The following KLHL1 variants were observed in gnomAD, a reference collection of about 807,000 sequenced individuals.
KLHL1 encodes kelch-like protein 1.
In KLHL1, 47 loss-of-function variants were observed where a neutral mutation model predicts 77.7. The observed-to-expected ratio is 0.60, with a 90% confidence interval of 0.48 to 0.77. The LOEUF is 0.77. Among genes scored for constraint, KLHL1 ranks in the 30% least tolerant of loss-of-function variants. The pLI is 0.00. For synonymous variants in KLHL1, 360 were observed against 325.2 expected, an observed-to-expected ratio of 1.11 and a Z score of -1.15; for missense variants, 925 against 910.8, an observed-to-expected ratio of 1.02 and a Z score of -0.20.
At chr13:69,994,737 T>C (rs1447806391) in intron 1 of KLHL1, among the ~76,000 whole-genome samples, 1 of 152,066 alleles carries the variant, frequency 6.6e-6, no homozygotes, top group Admixed American at 6.6e-5. Flanking sequence ...CTTGTAGGGG[T>C]TAACGTAAGC....
chr13:69,766,028 G>T lies in KLHL1; in HGVS notation c.1640-25472C>A, dbSNP rs17085356. 9.5e-3 allele frequency among the ~76,000 whole-genome samples: 1,442 copies of T among 152,260 alleles called. 26 individuals are homozygous for T. Among genetic ancestry groups the T allele is most frequent in the African/African-American group, 0.033 (1,357 of 41,550 alleles). ...CTTCTTTGCTTTTGTAGATGATACC[G>T]AAATCTTCAGCAATCTCTATTACAT... On this transcript the variant is annotated intron_variant, in intron 7 of 10. Coordinates refer to ENST00000377844, the MANE Select transcript of KLHL1 (RefSeq NM_020866.3).
chr13:69,710,900 G>A (rs1392669404), intron 9 of KLHL1, among the ~76,000 whole-genome samples: 1 of 151,730 alleles, frequency 6.6e-6, no homozygotes, highest in Non-Finnish European at 1.5e-5. Context: ...GGCCTTCCTG[G>A]TCAGAGTGTG....
chr13:69,994,625 A>G (rs1432362401), intron 1 of KLHL1, among the ~76,000 whole-genome samples: 1 of 152,092 alleles, frequency 6.6e-6, no homozygotes, highest in East Asian at 1.9e-4. Context: ...CATTGGGAGT[A>G]CCTATAGGAA....
Position 69,885,096 on chromosome 13 carries a change from A to G in KLHL1, c.1015-2601T>C, listed in dbSNP as rs112383324. Among the ~76,000 whole-genome samples the G allele has an allele frequency of 8.4e-3, 1,106 of 131,980 alleles. 13 individuals carry two copies. The highest frequency in any genetic ancestry group is 0.014 in the African/African-American group (442 of 31,526). The allele number at this position is 131,980 out of a possible 152,430, so 86.6% of individuals were successfully genotyped here. A position where few individuals can be genotyped will look rare whatever the true frequency, so the allele number is the denominator to read the frequency against. ...GCTGGGACTACAGGCGCCCGCCACC[A>G]CGCCCGGCTAATTTTTTGTATTTTT... On this transcript the variant is annotated intron_variant, in intron 4 of 10. Coordinates refer to ENST00000377844, the MANE Select transcript of KLHL1 (RefSeq NM_020866.3).
At chr13:69,815,351 C>T (rs531049908) in intron 6 of KLHL1, among the ~76,000 whole-genome samples, 26 of 152,320 alleles carry the variant, frequency 1.7e-4, no homozygotes, top group African/African-American at 6.3e-4. Context: ...GGTACATATA[C>T]ACCATGGACT....
intron 8 of KLHL1, among the ~76,000 whole-genome samples, chr13:69,734,526 AATT>A (rs995989507): frequency 3.3e-5 from 5 of 152,182 alleles, no homozygotes; most frequent in Non-Finnish European, 7.4e-5. Context: ...GTCAAACGAA[AATT>A]ATTAAGAAAA....
At chr13:69,857,331 C>G (rs1257530975) in intron 5 of KLHL1, among the ~76,000 whole-genome samples, 1 of 152,008 alleles carries the variant, frequency 6.6e-6, no homozygotes, top group Admixed American at 6.6e-5. Flanking sequence ...TTGACTACTC[C>G]TCCCTTTGTG....
At chr13:69,799,424 A>G (rs1034484747) in intron 6 of KLHL1, among the ~76,000 whole-genome samples, 1 of 152,246 alleles carries the variant, frequency 6.6e-6, no homozygotes, top group South Asian at 2.1e-4. Context: ...AGCCTCATTC[A>G]AATGAGCTAG....
intron 4 of KLHL1, among the ~76,000 whole-genome samples, chr13:69,928,636 CTT>C (rs748494751): frequency 8.7e-4 from 133 of 152,228 alleles, no homozygotes; most frequent in Admixed American, 1.4e-3. Context: ...ATAAATGAGT[CTT>C]GAGTATATTA....
chr13:69,901,107 A>G (rs1445599136), intron 4 of KLHL1, among the ~76,000 whole-genome samples: 1 of 152,236 alleles, frequency 6.6e-6, no homozygotes, highest in Non-Finnish European at 1.5e-5. Context: ...AAGACACTGT[A>G]CATGCAAATA....
chr13:70,001,969 C>A (rs1011670477), intron 1 of KLHL1, among the ~76,000 whole-genome samples: 1 of 151,534 alleles, frequency 6.6e-6, no homozygotes, highest in Non-Finnish European at 1.5e-5. Flanking sequence ...AAGACCATAT[C>A]TTAGAAGAAC....
intron 7 of KLHL1, among the ~76,000 whole-genome samples, chr13:69,759,190 G>A (rs1048855896): frequency 3.9e-5 from 6 of 152,122 alleles, no homozygotes; most frequent in African/African-American, 1.4e-4. Flanking sequence ...ATGTTCTCAA[G>A]CCTCACCATG....
chr13:69,963,223 A>G (rs969929039), intron 2 of KLHL1, among the ~76,000 whole-genome samples: 8 of 151,992 alleles, frequency 5.3e-5, no homozygotes, highest in African/African-American at 1.9e-4. Flanking sequence ...CACCTCACCT[A>G]GCATGGGTTC....
intron 1 of KLHL1, among the ~76,000 whole-genome samples, chr13:70,106,839 C>G (rs1015640556): frequency 2.6e-5 from 4 of 152,026 alleles, no homozygotes; most frequent in Non-Finnish European, 4.4e-5. Flanking sequence ...ATGTGTAAAG[C>G]AAAATTTCAT....
chr13:69,846,381 A>G (rs3012099), intron 5 of KLHL1, among the ~76,000 whole-genome samples: 2 of 151,354 alleles, frequency 1.3e-5, no homozygotes, highest in Non-Finnish European at 3.0e-5. Context: ...TATAGGATAA[A>G]CTCACACAAT....
At chr13:70,048,597 G>T (rs954237364) in intron 1 of KLHL1, among the ~76,000 whole-genome samples, 1 of 152,186 alleles carries the variant, frequency 6.6e-6, no homozygotes, top group Admixed American at 6.5e-5. Context: ...GAGAAGCGGG[G>T]GCGGTTTCAT....
chr13:69,770,962 A>G (rs1036300273), intron 7 of KLHL1, among the ~76,000 whole-genome samples: 2 of 152,144 alleles, frequency 1.3e-5, no homozygotes, highest in African/African-American at 4.8e-5. Flanking sequence ...TATATATCAC[A>G]AGTATGAATG....
intron 6 of KLHL1, among the ~76,000 whole-genome samples, chr13:69,806,012 A>C (rs1364092982): frequency 6.6e-6 from 1 of 152,144 alleles, no homozygotes; most frequent in Non-Finnish European, 1.5e-5. Context: ...AAACAAAATT[A>C]CTGATGAAGA....
chr13:69,712,973 C>T lies in KLHL1; in HGVS notation c.2016-5177G>A, dbSNP rs1875952346. ...TACAGGCATGTGCCACCATGCCTAG[C>T]TAATTTTTTATTTTTATTATTATTG... On this transcript the variant is annotated intron_variant, in intron 9 of 10. Coordinates refer to ENST00000377844, the MANE Select transcript of KLHL1 (RefSeq NM_020866.3). 2.0e-5 allele frequency among the ~76,000 whole-genome samples: 3 copies of T among 151,768 alleles called. No homozygotes were observed. The South Asian group carries it at 6.2e-4, about 32-fold the overall frequency.
Sources: allele counts gnomAD v4.1 joint callset (sites outside exome capture counted in the v4.1 genomes callset), GRCh38; gene constraint gnomAD v4.1.1; transcripts MANE v1.5; gene names NCBI Gene and HGNC (gene_info 2026-07-23, HGNC 2026-07-21).